Variants in SORCS3 observed in about 807,000 individuals in gnomAD.
SORCS3 encodes the protein VPS10 domain-containing receptor SorCS3.
In SORCS3, 57 loss-of-function variants were observed where a neutral mutation model predicts 146.3. The ratio of observed to expected loss-of-function variants is 0.39; its 90% CI spans 0.31 to 0.49. SORCS3 has a LOEUF of 0.49. Among genes scored for constraint, SORCS3 ranks in the 20% least tolerant of loss-of-function variants. The pLI, the probability that SORCS3 is intolerant of heterozygous loss-of-function variation, is 0.92. For missense variants in SORCS3, 1,341 were observed against 1,575.5 expected (o/e 0.85, Z 2.52); for synonymous variants, 653 against 618.5 (o/e 1.06, Z -0.83).
At position 104,794,085 on chromosome 10, in the gene SORCS3, G is replaced by T. The variant is rs116307966; in HGVS notation, c.628-48707G>T. ...TCAGTTTTCATGGCAGAGGAAAGTC[G>T]CAGGCGGCTGCTGTTGTCTTTGGTG... On this transcript the variant is annotated intron_variant, in intron 1 of 26. Coordinates refer to ENST00000369701, the MANE Select transcript of SORCS3 (RefSeq NM_014978.3). Among the ~76,000 whole-genome samples the T allele has an allele frequency of 4.1e-3, 631 of 152,274 alleles. 5 individuals carry two copies. Among genetic ancestry groups the T allele is most frequent in the African/African-American group, 0.015 (616 of 41,550 alleles).
rs184945933 is a variant in SORCS3, at chr10:104,706,278, G to C, written c.627+64324G>C. Among the ~76,000 whole-genome samples, 104 of 132,190 alleles carry C rather than the reference G, an allele frequency of 7.9e-4. 1 individual carries two copies. The highest frequency in any genetic ancestry group is 1.8e-3 in the South Asian group (7 of 3,972). 86.7% of individuals were successfully genotyped at this position (132,190 alleles called of 152,430 possible). ...ACTGGAGTGCAGTGGCACCATCTCA[G>C]CTCACTGCACCCTCTGCCTCCCGGG... On this transcript the variant is annotated intron_variant, in intron 1 of 26. Coordinates refer to ENST00000369701, the MANE Select transcript of SORCS3 (RefSeq NM_014978.3).
intron 13 of SORCS3, among the ~76,000 whole-genome samples, chr10:105,175,756 G>C (rs991092535): frequency 6.6e-6 from 1 of 152,136 alleles, no homozygotes; most frequent in Non-Finnish European, 1.5e-5. Context: ...AAATAATCAA[G>C]TCCTTAAAAT....
intron 14 of SORCS3, among the ~76,000 whole-genome samples, chr10:105,187,089 G>C (rs912523380): frequency 2.0e-5 from 3 of 151,974 alleles, no homozygotes; most frequent in Non-Finnish European, 4.4e-5. Context: ...AGTTAGTTTT[G>C]AGAAAAGAAT....
intron 1 of SORCS3, among the ~76,000 whole-genome samples, chr10:104,837,662 A>G (rs1366283535): frequency 6.6e-6 from 1 of 152,306 alleles, no homozygotes; most frequent in East Asian, 1.9e-4. Flanking sequence ...AAGAAAACAA[A>G]AGTTATCTTT....
intron 1 of SORCS3, among the ~76,000 whole-genome samples, chr10:104,734,277 C>T (rs184850598): frequency 1.3e-5 from 2 of 152,184 alleles, no homozygotes; most frequent in Admixed American, 6.5e-5. Context: ...TCTGTAGTCC[C>T]GCACATGTTA....
chr10:104,655,366 A>C (rs955401036), intron 1 of SORCS3, among the ~76,000 whole-genome samples: 10 of 151,966 alleles, frequency 6.6e-5, no homozygotes, highest in African/African-American at 2.2e-4. Context: ...TTATTTTGTC[A>C]TGCAGGTATT....
At chr10:104,871,345 G>A (rs2451496) in intron 2 of SORCS3, among the ~76,000 whole-genome samples, 1 of 152,022 alleles carries the variant, frequency 6.6e-6, no homozygotes, top group African/African-American at 2.4e-5. Context: ...TGGAAAGTCC[G>A]CTCCTAAACT....
rs1384163506 is a variant in SORCS3, at chr10:105,226,749, G to C, written c.2868+3500G>C. ...AAATCTCATTATCAGTTATTGGCCT[G>C]TAATCAGGCTTTCTATTTCTTCCTG... On this transcript the variant is annotated intron_variant, in intron 20 of 26. Coordinates refer to ENST00000369701, the MANE Select transcript of SORCS3 (RefSeq NM_014978.3). 2.6e-5 allele frequency among the ~76,000 whole-genome samples: 4 copies of C among 151,548 alleles called. No homozygotes were observed. In the East Asian group the frequency reaches 7.7e-4, roughly 29 times the overall value.
intron 13 of SORCS3, among the ~76,000 whole-genome samples, chr10:105,171,865 C>G (rs1049753042): frequency 6.6e-6 from 1 of 152,068 alleles, no homozygotes; most frequent in South Asian, 2.1e-4. Flanking sequence ...TCATAGACAC[C>G]TGAAGTAGGA....
chr10:104,700,847 A>T (rs1224148689), intron 1 of SORCS3, among the ~76,000 whole-genome samples: 2 of 152,170 alleles, frequency 1.3e-5, no homozygotes, highest in Admixed American at 6.5e-5. Context: ...AGAGACAGGG[A>T]CCTATTGGAT....
chr10:104,953,738 T>G (rs1472903672), intron 3 of SORCS3, among the ~76,000 whole-genome samples: 1 of 152,208 alleles, frequency 6.6e-6, no homozygotes, highest in Non-Finnish European at 1.5e-5. Flanking sequence ...ATTACTGCAT[T>G]TAGACGTATC....
At chr10:105,127,628 A>G (rs543612892) in intron 7 of SORCS3, among the ~76,000 whole-genome samples, 2 of 152,282 alleles carry the variant, frequency 1.3e-5, no homozygotes, top group African/African-American at 4.8e-5. Flanking sequence ...AGTACTAGGT[A>G]CTAAGAGACT....
At chr10:105,043,539 A>G (rs2055351371) in intron 5 of SORCS3, among the ~76,000 whole-genome samples, 1 of 152,198 alleles carries the variant, frequency 6.6e-6, no homozygotes, top group African/African-American at 2.4e-5. Context: ...TCTGGAGAAC[A>G]GCAGTTCCAC....
At chr10:105,237,232 A>T (rs2056797837) in intron 20 of SORCS3, among the ~76,000 whole-genome samples, 1 of 152,136 alleles carries the variant, frequency 6.6e-6, no homozygotes, top group East Asian at 1.9e-4. Flanking sequence ...TGGAGTCCAG[A>T]CCGAATCTTC....
At chr10:104,653,736 T>C (rs745386142) in intron 1 of SORCS3, among the ~76,000 whole-genome samples, 4 of 152,218 alleles carry the variant, frequency 2.6e-5, no homozygotes, top group Non-Finnish European at 5.9e-5. Context: ...CAGATATGCA[T>C]TGCATAATAA....
At chr10:105,140,916 G>A (rs1292868453) in intron 8 of SORCS3, among the ~76,000 whole-genome samples, 1 of 152,148 alleles carries the variant, frequency 6.6e-6, no homozygotes, top group Non-Finnish European at 1.5e-5. Flanking sequence ...AAACAGGAAA[G>A]AGATATTCCA....
chr10:104,948,082 A>G (rs1025807855), intron 3 of SORCS3, among the ~76,000 whole-genome samples: 2 of 152,188 alleles, frequency 1.3e-5, no homozygotes, highest in Non-Finnish European at 2.9e-5. Flanking sequence ...GGAACAAATA[A>G]CACATAGACA....
chr10:105,145,975 C>T (rs1211340915), intron 8 of SORCS3, among the ~76,000 whole-genome samples: 1 of 152,074 alleles, frequency 6.6e-6, no homozygotes, highest in African/African-American at 2.4e-5. Flanking sequence ...TTTCTTTTTA[C>T]TTGAAACGGT....
intron 1 of SORCS3, among the ~76,000 whole-genome samples, chr10:104,733,898 G>T (rs1007340673): frequency 6.6e-6 from 1 of 152,166 alleles, no homozygotes; most frequent in Non-Finnish European, 1.5e-5. Context: ...AAAGATGGGG[G>T]TTATGATGTT....
Sources: allele counts gnomAD v4.1 joint callset (sites outside exome capture counted in the v4.1 genomes callset), GRCh38; gene constraint gnomAD v4.1.1; transcripts MANE v1.5; gene names NCBI Gene and HGNC (gene_info 2026-07-23, HGNC 2026-07-21).